The following DCC variants were observed in gnomAD, a reference collection of about 807,000 sequenced individuals.
The protein encoded by DCC is DCC netrin 1 receptor, also known as netrin receptor DCC.
Under a neutral mutation model 172.5 loss-of-function variants are expected in DCC, and 58 were observed. The ratio of observed to expected loss-of-function variants is 0.34; its 90% CI spans 0.27 to 0.42. The LOEUF is 0.42. DCC is among the 10% of genes least tolerant of loss of function. DCC has a pLI of 1.00. For missense variants in DCC, 1,740 were observed against 1,791.0 expected, an observed-to-expected ratio of 0.97 and a Z score of 0.51; for synonymous variants, 709 against 644.5, an observed-to-expected ratio of 1.10 and a Z score of -1.52.
chr18:53,531,033 G>A lies in DCC; in HGVS notation c.*380G>A. The A allele has an allele frequency of 2.9e-6, 1 of 342,668 alleles. No homozygotes were observed. The highest frequency in any genetic ancestry group is 2.7e-5 in the South Asian group (1 of 37,222). 21.2% of individuals were successfully genotyped at this position (342,668 alleles called of 1,614,324 possible). On this transcript the variant is annotated 3_prime_UTR_variant, in exon 29 of 29. Coordinates refer to ENST00000442544, the MANE Select transcript of DCC (RefSeq NM_005215.4). The stretch of plus-strand genomic sequence containing the variant: ...GTAGGTCTAGTCTTACAAAATGCAA[G>A]TGCATTATTTAAGCCTGTACCATGC...
At chr18:53,105,132 A>T (rs1437729422) in intron 7 of DCC, among the ~76,000 whole-genome samples, 1 of 152,048 alleles carries the variant, frequency 6.6e-6, no homozygotes, top group Admixed American at 6.6e-5. Flanking sequence ...AGATCTTGGA[A>T]AAACAGGGTG....
At chr18:52,966,569 A>AGAAAATAGATAGGACAGT (rs2040934342) in intron 5 of DCC, among the ~76,000 whole-genome samples, 1 of 152,148 alleles carries the variant, frequency 6.6e-6, no homozygotes, top group Non-Finnish European at 1.5e-5. Context: ...CACCAACAGG[A>AGAAAATAGATAGGACAGT]GAAAATAGAT....
intron 5 of DCC, among the ~76,000 whole-genome samples, chr18:52,939,837 A>G (rs572855112): frequency 1.3e-5 from 2 of 152,300 alleles, no homozygotes; most frequent in East Asian, 3.9e-4. Flanking sequence ...GGTGCAGAAA[A>G]GAATACCAGG....
intron 15 of DCC, among the ~76,000 whole-genome samples, chr18:53,357,936 A>G (rs2057895985): frequency 6.6e-6 from 1 of 152,184 alleles, no homozygotes; most frequent in Non-Finnish European, 1.5e-5. Context: ...TCACACAGAG[A>G]ATCCCTGCTT....
At chr18:53,231,228 T>C (rs2056116907) in intron 12 of DCC, among the ~76,000 whole-genome samples, 1 of 152,070 alleles carries the variant, frequency 6.6e-6, no homozygotes. Context: ...GGAAGAAGTA[T>C]CTATCATGCT....
chr18:52,406,719 T>C (rs1986665037), intron 1 of DCC, among the ~76,000 whole-genome samples: 1 of 152,058 alleles, frequency 6.6e-6, no homozygotes, highest in Non-Finnish European at 1.5e-5. Flanking sequence ...TCTTGTAAAA[T>C]TAAAACAAAA....
chr18:52,610,878 T>C (rs1017694015), intron 1 of DCC, among the ~76,000 whole-genome samples: 2 of 152,208 alleles, frequency 1.3e-5, no homozygotes, highest in African/African-American at 4.8e-5. Flanking sequence ...TGCATAGCTA[T>C]ATGAAAACAG....
At chr18:52,749,392 C>T (rs535075447) in intron 1 of DCC, among the ~76,000 whole-genome samples, 15 of 152,224 alleles carry the variant, frequency 9.9e-5, no homozygotes, top group African/African-American at 3.6e-4. Flanking sequence ...TGTCTGCCTC[C>T]TGCCACTGTC....
chr18:53,045,986 C>T (rs541567753), intron 5 of DCC, among the ~76,000 whole-genome samples: 2 of 151,888 alleles, frequency 1.3e-5, no homozygotes, highest in South Asian at 4.1e-4. Flanking sequence ...GTCCGTTTCA[C>T]ACATACAAAT....
intron 7 of DCC, among the ~76,000 whole-genome samples, chr18:53,125,379 C>T (rs539384228): frequency 4.5e-4 from 69 of 152,122 alleles, no homozygotes; most frequent in African/African-American, 1.6e-3. Flanking sequence ...GCACTCTAAG[C>T]GTCATCTTGG....
intron 12 of DCC, among the ~76,000 whole-genome samples, chr18:53,260,805 A>T (rs928440447): frequency 4.6e-5 from 7 of 152,116 alleles, no homozygotes; most frequent in Non-Finnish European, 1.0e-4. Context: ...TCAGAGGTGG[A>T]GTCTACAGAG....
chr18:52,743,677 A>C (rs541992601), intron 1 of DCC, among the ~76,000 whole-genome samples: 3 of 152,334 alleles, frequency 2.0e-5, no homozygotes, highest in East Asian at 3.9e-4. Flanking sequence ...AGATCTCTGC[A>C]AAGCTTCTTC....
intron 2 of DCC, among the ~76,000 whole-genome samples, chr18:52,823,987 A>G (rs1431842601): frequency 6.6e-6 from 1 of 152,182 alleles, no homozygotes; most frequent in Non-Finnish European, 1.5e-5. Context: ...GCAAAACAGA[A>G]TAAGGAAACA....
At chr18:52,613,822 C>T (rs1221888) in intron 1 of DCC, among the ~76,000 whole-genome samples, 25 of 152,202 alleles carry the variant, frequency 1.6e-4, no homozygotes, top group African/African-American at 5.5e-4. Context: ...AGCAAACAAA[C>T]GGACACACGT....
At chr18:53,111,844 A>G (rs73467178) in intron 7 of DCC, among the ~76,000 whole-genome samples, 12 of 151,694 alleles carry the variant, frequency 7.9e-5, no homozygotes, top group African/African-American at 2.9e-4. Flanking sequence ...AGCACAAGTC[A>G]TGTTAGATAT....
chr18:52,755,405 C>T (rs1339909820), intron 2 of DCC, among the ~76,000 whole-genome samples: 1 of 152,158 alleles, frequency 6.6e-6, no homozygotes, highest in Non-Finnish European at 1.5e-5. Context: ...AATACAGTGG[C>T]TTGGACTTTA....
At chr18:53,179,460 A>G (rs1248480877) in intron 9 of DCC, among the ~76,000 whole-genome samples, 1 of 152,120 alleles carries the variant, frequency 6.6e-6, no homozygotes, top group Admixed American at 6.6e-5. Flanking sequence ...AGATTTTTTG[A>G]GTTTGTAAAG....
chr18:52,371,747 T>G (rs1431071897), intron 1 of DCC, among the ~76,000 whole-genome samples: 2 of 152,226 alleles, frequency 1.3e-5, no homozygotes, highest in East Asian at 3.8e-4. Flanking sequence ...CTATCAATTT[T>G]CTGTCTGGTT....
intron 1 of DCC, among the ~76,000 whole-genome samples, chr18:52,533,645 C>T (rs926497614): frequency 2.0e-5 from 3 of 152,058 alleles, no homozygotes; most frequent in Non-Finnish European, 2.9e-5. Flanking sequence ...ACCCACTGAA[C>T]GACATCTGGA....
Sources: gnomAD v4.1 joint callset for allele counts (sites outside exome capture counted in the v4.1 genomes callset) on GRCh38, gnomAD v4.1.1 for gene constraint, MANE v1.5 for transcripts, NCBI Gene and HGNC (gene_info 2026-07-23, HGNC 2026-07-21) for gene names.